The following TBCD variants were observed in gnomAD, a reference collection of about 807,000 sequenced individuals.
TBCD encodes tubulin folding cofactor D.
In TBCD, 105 loss-of-function variants were observed where a neutral mutation model predicts 169.3. That is an observed-to-expected ratio of 0.62 (90% CI 0.53 to 0.73). The LOEUF (loss-of-function observed/expected upper bound fraction) is 0.73, where lower values mean the gene tolerates loss of function less well. TBCD is among the 30% of genes least tolerant of loss of function. The pLI, the probability that TBCD is intolerant of heterozygous loss-of-function variation, is 0.00. For missense variants in TBCD, 1,444 were observed against 1,600.1 expected (o/e 0.90, Z 1.66); for synonymous variants, 700 against 643.9 (o/e 1.09, Z -1.32).
chr17:82,845,272 T>G (rs980398465), intron 13 of TBCD, among the ~76,000 whole-genome samples: 3 of 151,780 alleles, frequency 2.0e-5, no homozygotes, highest in Non-Finnish European at 4.4e-5. Flanking sequence ...CCTGTCCATC[T>G]TGTGCGGCCC....
chr17:82,852,235 C>G (rs191786847), intron 13 of TBCD, among the ~76,000 whole-genome samples: 1 of 151,340 alleles, frequency 6.6e-6, no homozygotes, highest in Non-Finnish European at 1.5e-5. Context: ...AACCGTGCCC[C>G]CTGTGGTCCT....
At chr17:82,790,210 C>T (rs1193267613) in intron 7 of TBCD, among the ~76,000 whole-genome samples, 1 of 152,194 alleles carries the variant, frequency 6.6e-6, no homozygotes, top group Non-Finnish European at 1.5e-5. Context: ...CGACTACCCT[C>T]CCGCCTCTCC....
intron 13 of TBCD, among the ~76,000 whole-genome samples, chr17:82,868,597 T>C (rs2057350081): frequency 6.6e-6 from 1 of 152,250 alleles, no homozygotes; most frequent in African/African-American, 2.4e-5. Flanking sequence ...CATATGTATA[T>C]AAAATACACT....
intron 13 of TBCD, among the ~76,000 whole-genome samples, chr17:82,828,385 T>TAAAC (rs1567845587): frequency 7.2e-6 from 1 of 139,526 alleles, no homozygotes; most frequent in African/African-American, 2.7e-5. Context: ...CACTCACAGA[T>TAAAC]ACATGCACAC....
In TBCD at chr17:82,831,761, A is replaced by T. The variant is rs780476667; in HGVS notation, c.1318+16827A>T. The T allele has an allele frequency of 2.2e-5, 35 of 1,613,826 alleles. No homozygotes were observed. Among genetic ancestry groups the T allele is most frequent in the Non-Finnish European group, 2.8e-5 (33 of 1,179,996 alleles). On this transcript the variant is annotated intron_variant, in intron 13 of 38. Coordinates refer to ENST00000355528, the MANE Select transcript of TBCD (RefSeq NM_005993.5). This position sits in a 1 kb window ranked among gnomAD's most constrained non-coding sequence, Gnocchi z 4.6. Reference sequence around the variant, plus strand: ...GGGATTGTGGGGTGCATGTAAGGGGAAATGGCCCCAAGCCCCTTTGTAGAT... The same window carrying T: ...GGGATTGTGGGGTGCATGTAAGGGGTAATGGCCCCAAGCCCCTTTGTAGAT...
intron 24 of TBCD, chr17:82,921,171 G>T (rs2147149049): frequency 5.1e-6 from 2 of 390,448 alleles, no homozygotes; most frequent in South Asian, 3.9e-5. Flanking sequence ...TAAAGATTTG[G>T]GTTTATATTG....
At chr17:82,752,841 G>C (rs1052288832) in intron 1 of TBCD, among the ~76,000 whole-genome samples, 1 of 152,190 alleles carries the variant, frequency 6.6e-6, no homozygotes, top group Admixed American at 6.5e-5. Flanking sequence ...TAGGGAATGA[G>C]AGAGGGGGAC....
At chr17:82,906,124 C>T (rs1007725146) in intron 20 of TBCD, 71 bp downstream of exon 20, 2 of 1,220,652 alleles carry the variant, frequency 1.6e-6, no homozygotes, top group Non-Finnish European at 2.3e-6. Flanking sequence ...TCACAGTGCT[C>T]TCCAGTTCGA....
intron 14 of TBCD, chr17:82,877,128 T>C: frequency 2.6e-6 from 1 of 384,166 alleles, no homozygotes; most frequent in South Asian, 1.1e-4. Context: ...TAGTATTGGC[T>C]GGAGCCGGCG....
At chr17:82,774,231 G>C (rs1351569156) in intron 6 of TBCD, among the ~76,000 whole-genome samples, 1 of 152,094 alleles carries the variant, frequency 6.6e-6, no homozygotes, top group East Asian at 1.9e-4. Context: ...GGGTACTTGA[G>C]ATCAGGGAGT....
At chr17:82,866,529 C>T (rs1389309013) in intron 13 of TBCD, among the ~76,000 whole-genome samples, 2 of 152,228 alleles carry the variant, frequency 1.3e-5, no homozygotes, top group South Asian at 2.1e-4. Flanking sequence ...CCTGTGCTGG[C>T]GTGTGGGGCC....
At chr17:82,785,372 G>C (rs74402078) in intron 7 of TBCD, among the ~76,000 whole-genome samples, 1 of 63,732 alleles carries the variant, frequency 1.6e-5, no homozygotes, top group Non-Finnish European at 3.1e-5. Flanking sequence ...GCGGGAGGGG[G>C]GTCCATGCTG....
chr17:82,802,721 G>A (rs2050664142), intron 9 of TBCD, among the ~76,000 whole-genome samples: 1 of 152,230 alleles, frequency 6.6e-6, no homozygotes, highest in Non-Finnish European at 1.5e-5. Flanking sequence ...CTGGCTGAAC[G>A]AGGCCCCCTG....
intron 27 of TBCD, among the ~76,000 whole-genome samples, chr17:82,925,770 G>A (rs2061693661): frequency 6.6e-6 from 1 of 152,166 alleles, no homozygotes; most frequent in East Asian, 1.9e-4. Context: ...AGGATCACTT[G>A]GAGATATGAC....
At chr17:82,934,956 C>T (rs940443377) in intron 34 of TBCD, among the ~76,000 whole-genome samples, 11 of 152,132 alleles carry the variant, frequency 7.2e-5, no homozygotes, top group African/African-American at 2.7e-4. Context: ...AAAACATTAG[C>T]CGGGTGTGGT....
At chr17:82,862,952 G>A (rs967613472) in intron 13 of TBCD, among the ~76,000 whole-genome samples, 31 of 152,338 alleles carry the variant, frequency 2.0e-4, no homozygotes, top group Non-Finnish European at 4.3e-4. Flanking sequence ...ATCTGGTGAC[G>A]GCTGCCCCTG....
chr17:82,910,635 C>T (rs942030527), intron 22 of TBCD, among the ~76,000 whole-genome samples: 5 of 151,736 alleles, frequency 3.3e-5, no homozygotes, highest in East Asian at 1.9e-4. Flanking sequence ...GGCAGCATGT[C>T]GGCTCACTGC....
chr17:82,795,262 C>T lies in TBCD; in HGVS notation c.772-2495C>T, dbSNP rs372213476. Among the ~76,000 whole-genome samples the T allele has an allele frequency of 1.6e-4, 25 of 152,250 alleles. No individual in the cohort carries two copies. The South Asian group carries it at 3.9e-3, about 24-fold the overall frequency. The stretch of plus-strand genomic sequence containing the variant: ...CGTTGCCAAGTAAGACTGGGGGACA[C>T]GTCAGCCTGTTGCCGAGAGAGACCA... On this transcript the variant is annotated intron_variant, in intron 7 of 38. Coordinates refer to ENST00000355528, the MANE Select transcript of TBCD (RefSeq NM_005993.5).
chr17:82,881,919 C>G (rs1409702624), intron 14 of TBCD, among the ~76,000 whole-genome samples: 1 of 150,510 alleles, frequency 6.6e-6, no homozygotes, highest in African/African-American at 2.4e-5. Flanking sequence ...CCCCTCTCCC[C>G]TCCTCCCTTC....
Sources: gnomAD v4.1 joint callset for allele counts (sites outside exome capture counted in the v4.1 genomes callset) on GRCh38, gnomAD v4.1.1 for gene constraint, Gnocchi (gnomAD v3.1) non-coding constraint, MANE v1.5 for transcripts, NCBI Gene and HGNC (gene_info 2026-07-23, HGNC 2026-07-21) for gene names.